Variants in TDRD9 observed in about 807,000 individuals in gnomAD.
The protein encoded by TDRD9 is ATP-dependent RNA helicase TDRD9.
In TDRD9, 124 loss-of-function variants were observed where a neutral mutation model predicts 172.6. The ratio of observed to expected loss-of-function variants is 0.72; its 90% CI spans 0.62 to 0.83. The LOEUF (loss-of-function observed/expected upper bound fraction) is 0.83. Among genes scored for constraint, TDRD9 ranks in the 40% least tolerant of loss-of-function variants. The probability of loss-of-function intolerance (pLI) is 0.00; values close to 1 mark genes in which losing one functional copy is unlikely to be tolerated. For synonymous variants in TDRD9, 619 were observed against 617.1 expected, an observed-to-expected ratio of 1.00 and a Z score of -0.05; for missense variants, 1,479 against 1,714.1, an observed-to-expected ratio of 0.86 and a Z score of 2.42.
intron 21 of TDRD9, among the ~76,000 whole-genome samples, chr14:104,015,123 G>C (rs2034747555): frequency 6.6e-6 from 1 of 152,008 alleles, no homozygotes; most frequent in Non-Finnish European, 1.5e-5. Flanking sequence ...TGTTTCTATA[G>C]AGTACCTGTG....
rs2034459830 is a variant in TDRD9 at position 104,006,935 on chromosome 14, A to G, written c.2007+90A>G. 5.0e-6 allele frequency: 6 copies of G among 1,192,076 alleles called. No individual in the cohort carries two copies. The East Asian group carries it at 1.3e-4, about 25-fold the overall frequency. The allele number at this position is 1,192,076 out of a possible 1,614,324, so 73.8% of individuals were successfully genotyped here. ...ACAAACATATGAGGTAGAGACAGACAATGTTTTATCTAGTGAAAGTATTAT... is the reference window on the plus strand; with the variant it reads ...ACAAACATATGAGGTAGAGACAGACGATGTTTTATCTAGTGAAAGTATTAT... On this transcript the variant is annotated intron_variant, in intron 18 of 35. Coordinates refer to ENST00000409874, the MANE Select transcript of TDRD9 (RefSeq NM_153046.3).
intron 21 of TDRD9, among the ~76,000 whole-genome samples, chr14:104,015,045 TAG>T (rs1228249691): frequency 6.6e-5 from 10 of 152,218 alleles, no homozygotes; most frequent in Non-Finnish European, 1.5e-5. Flanking sequence ...ATGATTCACC[TAG>T]AGAGTATTTA....
intron 1 of TDRD9, among the ~76,000 whole-genome samples, chr14:103,946,497 G>T (rs2152122332): frequency 6.6e-6 from 1 of 152,300 alleles, no homozygotes; most frequent in Non-Finnish European, 1.5e-5. Context: ...AACAAGGTGA[G>T]GTTGCCGCCT....
intron 22 of TDRD9, among the ~76,000 whole-genome samples, chr14:104,017,500 C>T (rs1160924181): frequency 6.6e-6 from 1 of 152,224 alleles, no homozygotes; most frequent in Admixed American, 6.5e-5. Flanking sequence ...TGGATCTGAG[C>T]CCCAGCCCAT....
At chr14:104,021,588 G>A (rs1189475147) in intron 23 of TDRD9, among the ~76,000 whole-genome samples, 2 of 152,166 alleles carry the variant, frequency 1.3e-5, no homozygotes, top group Non-Finnish European at 2.9e-5. Context: ...AGCTACTCGG[G>A]AGGCTGAAGC....
At chr14:104,037,612 G>A (rs1393321955) in intron 32 of TDRD9, among the ~76,000 whole-genome samples, 1 of 152,170 alleles carries the variant, frequency 6.6e-6, no homozygotes, top group Non-Finnish European at 1.5e-5. Context: ...TATGTGTTAT[G>A]CCCCATTCAT....
rs117310359 is a variant in TDRD9, at chr14:103,991,072, G to A, written c.1116-88G>A. ...TGGATGACCTGTAAGAGCCTTTCAG[G>A]ATTAAAAGCCTGTAATATTAGGATT... is the stretch of plus-strand genomic sequence containing the variant. On this transcript the variant is annotated intron_variant, in intron 8 of 35. Coordinates refer to ENST00000409874, the MANE Select transcript of TDRD9 (RefSeq NM_153046.3). 5,773 of 1,498,132 alleles carry A rather than the reference G, an allele frequency of 3.9e-3. 19 individuals are homozygous for A. The highest frequency in any genetic ancestry group is 4.4e-3 in the Non-Finnish European group (4,790 of 1,084,324). The allele number at this position is 1,498,132 out of a possible 1,614,324, so 92.8% of individuals were successfully genotyped here. A position where few individuals can be genotyped will look rare whatever the true frequency, so the allele number is the denominator to read the frequency against.
chr14:103,950,758 G>A (rs963078954), intron 1 of TDRD9, among the ~76,000 whole-genome samples: 7 of 152,186 alleles, frequency 4.6e-5, no homozygotes, highest in African/African-American at 7.2e-5. Flanking sequence ...TCAAAATGGA[G>A]TCATTAATGT....
At chr14:104,026,199 C>T (rs1223220068) in intron 27 of TDRD9, 63 bp downstream of exon 27, 5 of 1,177,644 alleles carry the variant, frequency 4.2e-6, no homozygotes, top group African/African-American at 1.5e-5. Flanking sequence ...TGGGTGGATT[C>T]CTGGGTCATA....
intron 8 of TDRD9, among the ~76,000 whole-genome samples, chr14:103,987,123 TACAC>T (rs143714763): frequency 0.23 from 33,774 of 145,458 alleles, 3,981 homozygotes; most frequent in Admixed American, 0.32. Context: ...AAAAAATATA[TACAC>T]ACACACACAC....
intron 13 of TDRD9, among the ~76,000 whole-genome samples, chr14:104,003,474 C>T (rs1052394446): frequency 6.6e-6 from 1 of 152,172 alleles, no homozygotes; most frequent in African/African-American, 2.4e-5. Flanking sequence ...GCCAAGAGGC[C>T]TTCACCCTTC....
rs1189866299 is a variant in TDRD9, at chr14:103,997,858, C to T, written c.1379-766C>T. 1.3e-5 allele frequency among the ~76,000 whole-genome samples: 2 copies of T among 152,106 alleles called. No individual in the cohort carries two copies. Among genetic ancestry groups the T allele is most frequent in the Admixed American group, 1.3e-4 (2 of 15,266 alleles). On this transcript the variant is annotated intron_variant, in intron 12 of 35. Transcript: ENST00000409874. This position sits in a 1 kb window ranked among gnomAD's most constrained non-coding sequence, Gnocchi z 5.1. ...TTGTCAGTGACCTTGACAAGAGCAG[C>T]TTTGGTGGAAGCAAGCGTCTGCTTG...
intron 13 of TDRD9, among the ~76,000 whole-genome samples, chr14:104,000,543 G>A (rs1424640769): frequency 1.3e-5 from 2 of 152,138 alleles, no homozygotes; most frequent in Middle Eastern, 3.2e-3. Flanking sequence ...CCAGCACTTC[G>A]GGAGGCTGAG....
intron 6 of TDRD9, among the ~76,000 whole-genome samples, chr14:103,970,978 G>A (rs1037844838): frequency 1.6e-4 from 25 of 152,200 alleles, no homozygotes; most frequent in East Asian, 1.4e-3. Flanking sequence ...TGGATACAGA[G>A]GGCTGACTGT....
intron 1 of TDRD9, among the ~76,000 whole-genome samples, chr14:103,930,332 C>T (rs28407129): frequency 0.051 from 7,760 of 152,142 alleles, 396 homozygotes; most frequent in Admixed American, 0.14. Flanking sequence ...GGATTACTGG[C>T]GTGTGCCACC....
chr14:104,006,412 G>A lies in TDRD9; in HGVS notation c.1737G>A (p.Gly579=). 5 of 1,613,828 alleles carry A rather than the reference G, an allele frequency of 3.1e-6. No individual in the cohort carries two copies. The highest frequency in any genetic ancestry group is 3.4e-6 in the Non-Finnish European group (4 of 1,179,804). The change falls in exon 16 of 36, where the codon GGG becomes GGA. Residue 579 remains glycine (G), a synonymous_variant. Coordinates refer to ENST00000409874, the MANE Select transcript of TDRD9 (RefSeq NM_153046.3). Reference sequence around the variant, plus strand: ...AGGTTGGAGCACTTGCAGTGAGTGGGCAGAGAGAAGATGAAAACCCCCATG... The same window carrying A: ...AGGTTGGAGCACTTGCAGTGAGTGGACAGAGAGAAGATGAAAACCCCCATG... ...LKEVGALAVS[G]QREDENPHDG... is the part of the protein sequence containing the mutation.
chr14:104,049,738 CT>C, intron 35 of TDRD9, 58 bp downstream of exon 35: 2 of 1,432,770 alleles, frequency 1.4e-6, no homozygotes, highest in Non-Finnish European at 1.9e-6. Flanking sequence ...GGGACAGGCC[CT>C]GGGCAGACCC....
chr14:104,008,104 A>G (rs1183554735), intron 19 of TDRD9, among the ~76,000 whole-genome samples: 1 of 152,108 alleles, frequency 6.6e-6, no homozygotes, highest in Non-Finnish European at 1.5e-5. Flanking sequence ...GCTCAGCTGT[A>G]GTATTTTTCT....
At position 104,025,643 on chromosome 14, in the gene TDRD9, TCAAC is replaced by T. The variant is rs1295096474; in HGVS notation, c.2803_2806del (p.Gln935Ter). On this transcript the variant is annotated frameshift_variant, in exon 26 of 36. Transcript: ENST00000409874. LOFTEE classifies it high-confidence loss of function. ...ATTCTGAAAAAGCTTACTGCTGAAA[TCAAC>T]CAACTGACGCTGGTGCCCTTGCCCA... 6.2e-7 allele frequency: 1 copy of T among 1,614,050 alleles called. No individual in the cohort carries two copies. The highest frequency in any genetic ancestry group is 2.2e-5 in the East Asian group (1 of 44,892).
Sources: gnomAD v4.1 joint callset for allele counts (sites outside exome capture counted in the v4.1 genomes callset) on GRCh38, gnomAD v4.1.1 for gene constraint, Gnocchi (gnomAD v3.1) non-coding constraint, MANE v1.5 for transcripts, NCBI Gene and HGNC (gene_info 2026-07-23, HGNC 2026-07-21) for gene names.